The following MAFK variants were observed in gnomAD, a reference collection of about 807,000 sequenced individuals.
MAFK encodes the protein MAF bZIP transcription factor K, also known as transcription factor MafK.
In MAFK, 1 loss-of-function variant was observed where a neutral mutation model predicts 9.2. The observed-to-expected ratio is 0.11, with a 90% CI of 0.04 to 0.52. The LOEUF (loss-of-function observed/expected upper bound fraction) is 0.52, where lower values mean the gene tolerates loss of function less well. Ranked by LOEUF, MAFK falls within the 20% of genes least tolerant of loss-of-function variation. The pLI is 0.94. For synonymous variants in MAFK, 110 were observed against 107.4 expected, an observed-to-expected ratio of 1.02 and a Z score of -0.15; for missense variants, 207 against 236.0, an observed-to-expected ratio of 0.88 and a Z score of 0.81.
At chr7:1,535,364 G>A (rs1400477370) in intron 1 of MAFK, among the ~76,000 whole-genome samples, 2 of 152,172 alleles carry the variant, frequency 1.3e-5, no homozygotes, top group Non-Finnish European at 2.9e-5. Flanking sequence ...GACTTAAAAA[G>A]TTAAAAATGG....
intron 1 of MAFK, among the ~76,000 whole-genome samples, chr7:1,536,905 G>A (rs980281876): frequency 1.3e-5 from 2 of 152,222 alleles, no homozygotes; most frequent in Admixed American, 1.3e-4. Flanking sequence ...GAGGTGGGGG[G>A]CAGGCTTGCG....
At chr7:1,537,481 C>G in intron 1 of MAFK, 4 of 985,608 alleles carry the variant, frequency 4.1e-6, no homozygotes, top group Non-Finnish European at 4.8e-6. Flanking sequence ...CTCCCAGCCG[C>G]CGGCATTTGC....
At position 1,540,298 on chromosome 7, in the gene MAFK, GCCA is replaced by G; in HGVS notation, c.401_403del (p.Thr134del). 1 of 1,611,386 alleles carries G rather than the reference GCCA, an allele frequency of 6.2e-7. No homozygotes were observed. The highest frequency in any genetic ancestry group is 1.3e-5 in the African/African-American group (1 of 74,950). On this transcript the variant is annotated inframe_deletion, in exon 3 of 3. Coordinates refer to ENST00000343242, the MANE Select transcript of MAFK (RefSeq NM_002360.4). ...GGGACCTGTGGCGCCCTCCAAGGTG[GCCA>G]CCACCAGCGTCATCACCATCGTCAA...
chr7:1,533,295 G>A lies in MAFK; in HGVS notation c.-45+2397G>A, dbSNP rs575306095. Among the ~76,000 whole-genome samples the A allele has an allele frequency of 3.3e-5, 5 of 152,338 alleles. No homozygotes were observed. In the East Asian group the frequency reaches 5.8e-4, roughly 18 times the overall value. ...TCTCCCTGCCCTCCCATGCGGGGCC[G>A]GCTCATCTCGTACAGCGGGGGCTAG... is the stretch of plus-strand genomic sequence containing the variant. On this transcript the variant is annotated intron_variant, in intron 1 of 2. Transcript: ENST00000343242.
rs1259787893 is a variant in MAFK, at chr7:1,541,016, T to C, written c.*641T>C. On this transcript the variant is annotated 3_prime_UTR_variant, in exon 3 of 3. Transcript: ENST00000343242. Reference sequence around the variant, plus strand: ...CTGCGTGGGGTGGTGTCTGTGTGTGTGCACGCACGCCTGCCATCAAAGCAG... The same window carrying C: ...CTGCGTGGGGTGGTGTCTGTGTGTGCGCACGCACGCCTGCCATCAAAGCAG... The C allele has an allele frequency of 6.5e-6, 1 of 153,398 alleles. No homozygotes were observed. Among genetic ancestry groups the C allele is most frequent in the Non-Finnish European group, 1.5e-5 (1 of 68,604 alleles). The allele number at this position is 153,398 out of a possible 1,614,324, so 9.5% of individuals were successfully genotyped here.
chr7:1,531,047 TGCGGCCCGCGGCGCGG>T (rs1254969949), intron 1 of MAFK, 149 bp downstream of exon 1: 1 of 146,116 alleles, frequency 6.8e-6, no homozygotes. Context: ...GAGACCCTCA[TGCGGCCCGCGGCGCGG>T]CCCGGGCACC....
At chr7:1,536,234 A>G (rs1222336125) in intron 1 of MAFK, among the ~76,000 whole-genome samples, 9 of 151,894 alleles carry the variant, frequency 5.9e-5, no homozygotes, top group African/African-American at 9.7e-5. Context: ...GGCGCTGAAC[A>G]CTGCACTTCT....
intron 1 of MAFK, chr7:1,538,175 G>A (rs1395905779): frequency 6.9e-6 from 5 of 722,934 alleles, no homozygotes; most frequent in East Asian, 1.3e-4. Flanking sequence ...GGCAACTATC[G>A]GAGGGCTCAT....
chr7:1,533,973 G>GTCTGCTC (rs1783965578), intron 1 of MAFK: 1 of 344,746 alleles, frequency 2.9e-6, no homozygotes, highest in South Asian at 2.1e-5. Flanking sequence ...GTGTTCTGCA[G>GTCTGCTC]TCTGCTCTCT....
At chr7:1,537,851 C>A (rs568978337) in intron 1 of MAFK, 217 of 250,836 alleles carry the variant, frequency 8.7e-4, no homozygotes, top group Admixed American at 2.1e-3. Flanking sequence ...GGGATGCGGT[C>A]ACCCGCCCCC....
rs1341445567 is a variant in MAFK, at chr7:1,540,184, G to A, written c.280G>A (p.Ala94Thr). 6.3e-7 allele frequency: 1 copy of A among 1,578,822 alleles called. No homozygotes were observed. The highest frequency in any genetic ancestry group is 1.2e-5 in the South Asian group (1 of 86,658). The stretch of plus-strand genomic sequence containing the variant: ...GCTGCAGCAGGAGGTGGAGAAGCTG[G>A]CGCGTGAGAACAGCAGCATGCGGCT... ...VELQQEVEKL[A>T]RENSSMRLEL... is the part of the protein sequence containing the mutation. The change falls in exon 3 of 3, where the codon GCG (alanine) becomes ACG (threonine). Residue 94 changes from alanine (A) to threonine (T), a missense_variant. Physicochemically the swap from Ala to Thr is moderately conservative, Grantham distance 58 (BLOSUM62 0). Transcript: ENST00000343242.
intron 1 of MAFK, among the ~76,000 whole-genome samples, chr7:1,535,085 CTTTTTT>C (rs59057812): frequency 7.1e-5 from 8 of 111,952 alleles, no homozygotes; most frequent in Middle Eastern, 6.8e-3. Flanking sequence ...ATTTAAAATT[CTTTTTT>C]TTTTTTTTTT....
intron 1 of MAFK, among the ~76,000 whole-genome samples, chr7:1,536,561 C>T (rs556639095): frequency 3.9e-5 from 6 of 152,256 alleles, no homozygotes; most frequent in East Asian, 1.9e-4. Flanking sequence ...CATGTGAGGT[C>T]GGACAGTTCA....
intron 1 of MAFK, among the ~76,000 whole-genome samples, chr7:1,533,162 G>T (rs1331272562): frequency 6.6e-6 from 1 of 152,248 alleles, no homozygotes; most frequent in Non-Finnish European, 1.5e-5. Flanking sequence ...CAGGCCATGA[G>T]GTCTGCTGGC....
intron 1 of MAFK, 76 bp from the exon 2 acceptor site, chr7:1,539,073 C>A: frequency 2.7e-6 from 3 of 1,121,974 alleles, no homozygotes; most frequent in Non-Finnish European, 4.0e-6. Context: ...AGCATCCCTG[C>A]ATGGGAGGTG....
At chr7:1,537,433 C>T (rs949461851) in intron 1 of MAFK, 16 of 985,430 alleles carry the variant, frequency 1.6e-5, no homozygotes, top group Admixed American at 6.1e-5. Flanking sequence ...GCGGTGCCCG[C>T]GGCCCCTCCC....
chr7:1,539,253 C>T (rs763501792), intron 2 of MAFK, 25 bp downstream of exon 2: 71 of 1,597,990 alleles, frequency 4.4e-5, no homozygotes, highest in South Asian at 1.6e-4. Flanking sequence ...AAGCAGGCCC[C>T]GTCTCAAGCA....
At position 1,540,444 on chromosome 7, in the gene MAFK, C is replaced by T; in HGVS notation, c.*69C>T. 10 of 1,301,700 alleles carry T rather than the reference C, an allele frequency of 7.7e-6. 1 individual carries two copies. In the South Asian group the frequency reaches 9.2e-5, roughly 12 times the overall value. 80.6% of individuals were successfully genotyped at this position (1,301,700 alleles called of 1,614,324 possible). On this transcript the variant is annotated 3_prime_UTR_variant, in exon 3 of 3. Transcript: ENST00000343242. Reference sequence around the variant, plus strand: ...GGCGGGTGGGGGCACACCCCTCGTACCTGTCACTGGGATGCAGACTCTCGA... The same window carrying T: ...GGCGGGTGGGGGCACACCCCTCGTATCTGTCACTGGGATGCAGACTCTCGA...
intron 2 of MAFK, 104 bp from the exon 3 acceptor site, chr7:1,539,837 C>A: frequency 1.0e-6 from 1 of 998,552 alleles, no homozygotes; most frequent in Non-Finnish European, 1.4e-6. Flanking sequence ...GCCCTGAGAG[C>A]GCAGGCGTGC....
Sources: allele counts gnomAD v4.1 joint callset (sites outside exome capture counted in the v4.1 genomes callset), GRCh38; gene constraint gnomAD v4.1.1; transcripts MANE v1.5; gene names NCBI Gene and HGNC (gene_info 2026-07-23, HGNC 2026-07-21).